The following KMO variants were observed in gnomAD, a reference collection of about 807,000 sequenced individuals.
KMO encodes kynurenine 3-monooxygenase, also known as kynurenine 3-hydroxylase.
A neutral mutation model predicts 57.8 loss-of-function variants in KMO; 24 were observed. That is an observed-to-expected ratio of 0.42 (90% CI 0.30 to 0.58). The LOEUF is 0.58. KMO is among the 20% of genes least tolerant of loss of function. The pLI, the probability that KMO is intolerant of heterozygous loss-of-function variation, is 0.22. For missense variants in KMO, 483 were observed against 588.2 expected (o/e 0.82, Z 1.85); for synonymous variants, 210 against 193.6 (o/e 1.08, Z -0.70).
intron 6 of KMO, among the ~76,000 whole-genome samples, chr1:241,561,562 C>T (rs1463834137): frequency 6.6e-6 from 1 of 152,200 alleles, no homozygotes; most frequent in Non-Finnish European, 1.5e-5. Flanking sequence ...TTGCCATCAC[C>T]TCATCCCTGT....
At chr1:241,547,692 A>C (rs1558413761) in intron 1 of KMO, among the ~76,000 whole-genome samples, 1 of 152,212 alleles carries the variant, frequency 6.6e-6, no homozygotes, top group Non-Finnish European at 1.5e-5. Flanking sequence ...CACAATAATG[A>C]AAAGTTTGAG....
intron 10 of KMO, among the ~76,000 whole-genome samples, chr1:241,580,032 G>T (rs1474512539): frequency 6.6e-6 from 1 of 152,110 alleles, no homozygotes; most frequent in Non-Finnish European, 1.5e-5. Context: ...TAGGGTTAAC[G>T]CCTTCCCCCA....
intron 6 of KMO, among the ~76,000 whole-genome samples, chr1:241,561,589 C>T (rs1661839178): frequency 6.6e-6 from 1 of 152,212 alleles, no homozygotes; most frequent in African/African-American, 2.4e-5. Context: ...CTCCCTTTGG[C>T]ATTCGGCCTT....
At chr1:241,588,369 A>G (rs1315666130) in intron 11 of KMO, among the ~76,000 whole-genome samples, 1 of 114,116 alleles carries the variant, frequency 8.8e-6, no homozygotes, top group African/African-American at 3.5e-5. Context: ...TTTCCCAGTC[A>G]TCTCTCTCAG....
At chr1:241,557,457 T>G (rs1661680357) in intron 5 of KMO, among the ~76,000 whole-genome samples, 1 of 152,200 alleles carries the variant, frequency 6.6e-6, no homozygotes, top group South Asian at 2.1e-4. Flanking sequence ...CCTCAATATA[T>G]CTACTGAATG....
rs1662841943 is a variant in KMO, at chr1:241,583,618, A to G, written c.958-3061A>G. Among the ~76,000 whole-genome samples the G allele has an allele frequency of 3.9e-5, 6 of 152,218 alleles. No individual in the cohort carries two copies. The South Asian group carries it at 1.2e-3, about 32-fold the overall frequency. Reference sequence around the variant, plus strand: ...AAGAAGAGGGTCTCAGGTACTTAAAATCATCTATAGATTACTTATAATACA... The same window carrying G: ...AAGAAGAGGGTCTCAGGTACTTAAAGTCATCTATAGATTACTTATAATACA... On this transcript the variant is annotated intron_variant, in intron 10 of 14. Coordinates refer to ENST00000366559, the MANE Select transcript of KMO (RefSeq NM_003679.5).
chr1:241,574,693 C>T (rs749988884), intron 10 of KMO, among the ~76,000 whole-genome samples: 40 of 151,862 alleles, frequency 2.6e-4, no homozygotes, highest in Non-Finnish European at 5.6e-4. Context: ...GGATTTTGCA[C>T]TGATGTTCAT....
At chr1:241,539,771 C>T (rs1660892311) in intron 1 of KMO, among the ~76,000 whole-genome samples, 1 of 152,168 alleles carries the variant, frequency 6.6e-6, no homozygotes, top group Admixed American at 6.5e-5. Context: ...TAATAAGGCC[C>T]AGGAGCCAAC....
In KMO at chr1:241,549,030, C is replaced by G. The variant is rs1312701567; in HGVS notation, c.124+132C>G. On this transcript the variant is annotated intron_variant, in intron 2 of 14. Transcript: ENST00000366559. Reference sequence around the variant, plus strand: ...CCTGGGCAACATGGCAAAACCCCATCTCTACAAAAAATACAAAAATTAGCC... The same window carrying G: ...CCTGGGCAACATGGCAAAACCCCATGTCTACAAAAAATACAAAAATTAGCC... The G allele has an allele frequency of 5.0e-6, 3 of 595,436 alleles. No individual in the cohort carries two copies. In the Admixed American group the frequency reaches 8.1e-5, roughly 16 times the overall value. 36.9% of individuals were successfully genotyped at this position (595,436 alleles called of 1,614,324 possible). A position where few individuals can be genotyped will look rare whatever the true frequency, so the allele number is the denominator to read the frequency against.
chr1:241,546,956 G>A (rs948755953), intron 1 of KMO, among the ~76,000 whole-genome samples: 3 of 152,178 alleles, frequency 2.0e-5, no homozygotes, highest in Admixed American at 6.5e-5. Flanking sequence ...GGCCAGAGAC[G>A]TATGAAGAAA....
chr1:241,550,376 A>G (rs1661351539), intron 3 of KMO, among the ~76,000 whole-genome samples: 1 of 152,246 alleles, frequency 6.6e-6, no homozygotes, highest in Non-Finnish European at 1.5e-5. Flanking sequence ...TGGATAAAGA[A>G]TGGTGGGCCT....
intron 7 of KMO, among the ~76,000 whole-genome samples, chr1:241,562,917 A>AGG (rs1661924112): frequency 3.5e-5 from 1 of 28,692 alleles, no homozygotes; most frequent in African/African-American, 1.2e-4. Context: ...GAAGGAAGGA[A>AGG]AGAAGGAAGG....
At chr1:241,590,389 C>G in intron 14 of KMO, 126 bp downstream of exon 14, 2 of 763,100 alleles carry the variant, frequency 2.6e-6, no homozygotes, top group Admixed American at 2.2e-5. Context: ...GCCTTCCAAA[C>G]AGAAACTGTC....
chr1:241,549,796 C>T (rs1661330794), intron 3 of KMO, 22 bp downstream of exon 3: 1 of 1,415,420 alleles, frequency 7.1e-7, no homozygotes. Flanking sequence ...ATCTTTCTTA[C>T]AGAAGATAAT....
chr1:241,560,744 A>C lies in KMO; in HGVS notation c.441A>C (p.Thr147=). ...LKCNPEEGMI[T]VLGSDKVPKD... ...GTAATCCAGAGGAAGGAATGATCAC[A>C]GTGCTTGGGTAACTACGGGTCAGGT... is the stretch of plus-strand genomic sequence containing the variant. The change falls in exon 6 of 15, where the codon ACA becomes ACC. Residue 147 remains threonine (T), a synonymous_variant. Transcript: ENST00000366559. 1.2e-6 allele frequency: 2 copies of C among 1,611,928 alleles called. No homozygotes were observed. The highest frequency in any genetic ancestry group is 1.7e-6 in the Non-Finnish European group (2 of 1,177,988).
At chr1:241,550,068 G>T in intron 3 of KMO, 1 of 265,796 alleles carries the variant, frequency 3.8e-6, no homozygotes, top group Non-Finnish European at 7.1e-6. Context: ...AGGATAAAAG[G>T]AGCCAGATTC....
Position 241,592,126 on chromosome 1 carries a change from A to G in KMO, c.1434A>G (p.Glu478=). The G allele has an allele frequency of 6.2e-7, 1 of 1,613,820 alleles. No homozygotes were observed. Among genetic ancestry groups the G allele is most frequent in the Non-Finnish European group, 8.5e-7 (1 of 1,179,894 alleles). The part of the protein sequence containing the change: ...CFPAKAVDSL[E]QISNLISR ...CCGCAAAGGCCGTGGACTCCCTAGA[A>G]CAAATTTCCAATCTCATTAGCAGGT... The change falls in exon 15 of 15, where the codon GAA becomes GAG. Residue 478 remains glutamate, a synonymous_variant. Coordinates refer to ENST00000366559, the MANE Select transcript of KMO (RefSeq NM_003679.5).
At position 241,568,650 on chromosome 1, in the gene KMO, A is replaced by G; in HGVS notation, c.957+3A>G. ...TTTTTGGGCAAGGAATGAATGCGGT[A>G]AGTTCTTTTTCCCTAGGTAAGTCCC... On this transcript the variant is annotated splice_donor_region_variant and intron_variant, in intron 10 of 14. Transcript: ENST00000366559. 6.2e-7 allele frequency: 1 copy of G among 1,613,038 alleles called. No homozygotes were observed. The highest frequency in any genetic ancestry group is 8.5e-7 in the Non-Finnish European group (1 of 1,179,410).
chr1:241,546,843 C>T (rs1661166410), intron 1 of KMO, among the ~76,000 whole-genome samples: 1 of 152,268 alleles, frequency 6.6e-6, no homozygotes, highest in South Asian at 2.1e-4. Context: ...AGGAAATATA[C>T]ATTTTCACAT....
Sources: allele counts gnomAD v4.1 joint callset (sites outside exome capture counted in the v4.1 genomes callset), GRCh38; gene constraint gnomAD v4.1.1; transcripts MANE v1.5; gene names NCBI Gene and HGNC (gene_info 2026-07-23, HGNC 2026-07-21).